CCDC191: variants seen among roughly 807,000 people sequenced by gnomAD.
CCDC191 encodes coiled-coil domain-containing protein 191.
Under a neutral mutation model 114.0 loss-of-function variants are expected in CCDC191, and 99 were observed. That is an observed-to-expected ratio of 0.87 (90% CI 0.74 to 1.03). The LOEUF is 1.03. CCDC191 is among the 50% of genes least tolerant of loss of function. CCDC191 has a pLI of 0.00. For missense variants in CCDC191, 973 were observed against 1,087.0 expected (o/e 0.90, Z 1.47); for synonymous variants, 351 against 376.0 (o/e 0.93, Z 0.77).
At chr3:114,017,102 CTT>C (rs374809107) in intron 8 of CCDC191, among the ~76,000 whole-genome samples, 142 of 136,396 alleles carry the variant, frequency 1.0e-3, no homozygotes, top group Middle Eastern at 3.9e-3. Context: ...CAAGGATTCA[CTT>C]TTTTTTTTTT....
chr3:114,046,881 A>G lies in CCDC191; in HGVS notation c.130-149T>C. 6 of 1,365,462 alleles carry G rather than the reference A, an allele frequency of 4.4e-6. No homozygotes were observed. In the Admixed American group the frequency reaches 1.6e-4, roughly 37 times the overall value. 84.6% of individuals were successfully genotyped at this position (1,365,462 alleles called of 1,614,324 possible). On this transcript the variant is annotated intron_variant, in intron 2 of 16. Transcript: ENST00000295878. ...TTGGAGAAACTCTTGAGGTTTAAAC[A>G]TCTACCCCCAAATATTCTGGGAGGT...
Position 114,031,651 on chromosome 3 carries a change from A to T in CCDC191, c.947T>A (p.Ile316Asn), listed in dbSNP as rs1184202307. The T allele has an allele frequency of 6.2e-7, 1 of 1,610,394 alleles. No homozygotes were observed. Residue 316 changes from isoleucine (I) to asparagine (N), a missense_variant, in exon 7 of 17, where the codon ATC becomes AAC. Physicochemically the swap from Ile to Asn is moderately radical, Grantham distance 149. Coordinates refer to ENST00000295878, the MANE Select transcript of CCDC191 (RefSeq NM_020817.2). ...ERKRKLKEVL[I>N]QTFKENQQCQ... ...CTGTTGATTTTCTTTGAAAGTTTGG[A>T]TTAATACTTCTTTCAATTTCCTTTT...
intron 2 of CCDC191, among the ~76,000 whole-genome samples, chr3:114,050,518 G>A (rs142445324): frequency 6.6e-6 from 1 of 152,186 alleles, no homozygotes; most frequent in African/African-American, 2.4e-5. Context: ...AGGTAAGGGG[G>A]ATTTGTCCAC....
Position 114,046,688 on chromosome 3 carries a change from A to T in CCDC191, c.174T>A (p.Phe58Leu). ...ASEFAVSNAF[F>L]TRNSDLPRSP... ...TTCTAGGTAAATCTGAATTTCTAGT[A>T]AAAAATGCATTTGACACTGCAAACT... Residue 58 changes from phenylalanine (F) to leucine (L), a missense_variant, in exon 3 of 17, where the codon TTT (phenylalanine) becomes TTA (leucine). Coordinates refer to ENST00000295878, the MANE Select transcript of CCDC191 (RefSeq NM_020817.2). 6.2e-7 allele frequency: 1 copy of T among 1,611,816 alleles called. No individual in the cohort carries two copies. The highest frequency in any genetic ancestry group is 1.1e-5 in the South Asian group (1 of 91,016).
At chr3:113,996,604 A>G (rs532688411) in intron 13 of CCDC191, among the ~76,000 whole-genome samples, 180 of 152,300 alleles carry the variant, frequency 1.2e-3, no homozygotes, top group African/African-American at 4.0e-3. Flanking sequence ...TACAATAGCA[A>G]AGACTTGGAA....
chr3:113,986,106 A>G (rs966102299), intron 13 of CCDC191, among the ~76,000 whole-genome samples: 3 of 152,248 alleles, frequency 2.0e-5, no homozygotes, highest in Non-Finnish European at 4.4e-5. Flanking sequence ...TCAGATAGGT[A>G]ATTTTAGCAG....
intron 6 of CCDC191, 90 bp from the exon 7 acceptor site, chr3:114,031,869 T>C: frequency 1.6e-6 from 1 of 643,772 alleles, no homozygotes; most frequent in East Asian, 2.9e-5. Flanking sequence ...AATCACTGAA[T>C]TCTCCTTCGG....
chr3:114,024,431 CAA>C (rs1218265329), intron 7 of CCDC191, among the ~76,000 whole-genome samples: 9 of 152,158 alleles, frequency 5.9e-5, no homozygotes, highest in South Asian at 4.1e-4. Context: ...TTCACAATAG[CAA>C]AGACTTGGAA....
At chr3:113,992,861 A>T (rs752228548) in intron 13 of CCDC191, among the ~76,000 whole-genome samples, 2 of 152,226 alleles carry the variant, frequency 1.3e-5, no homozygotes, top group African/African-American at 4.8e-5. Flanking sequence ...TACAAAAAAA[A>T]TTATAGGCCA....
intron 1 of CCDC191, 82 bp from the exon 2 acceptor site, chr3:114,053,717 G>C (rs2076728207): frequency 1.1e-6 from 1 of 879,134 alleles, no homozygotes; most frequent in Non-Finnish European, 1.8e-6. Flanking sequence ...TCTGACTAAA[G>C]CATATGGAAC....
intron 11 of CCDC191, chr3:114,002,852 G>A: frequency 8.2e-6 from 8 of 974,696 alleles, no homozygotes; most frequent in Non-Finnish European, 9.8e-6. Context: ...ATGAAACCCA[G>A]AAACCAGAAT....
At chr3:114,052,473 G>A (rs2076710109) in intron 2 of CCDC191, among the ~76,000 whole-genome samples, 1 of 152,042 alleles carries the variant, frequency 6.6e-6, no homozygotes, top group African/African-American at 2.4e-5. Context: ...CCTTCCTAGA[G>A]ACTAGCATTC....
Position 114,018,865 on chromosome 3 carries a change from G to A in CCDC191, c.976C>T (p.Gln326Ter), listed in dbSNP as rs143973768. 3 of 1,613,168 alleles carry A rather than the reference G, an allele frequency of 1.9e-6. No individual in the cohort carries two copies. Residue 326 changes from glutamine to a stop codon, truncating the protein, a stop_gained, in exon 8 of 17, where the codon CAA (glutamine) becomes TAA (stop). Transcript: ENST00000295878. LOFTEE classifies it high-confidence loss of function. ...TGCCAGGCAGCGAAATACCGTTTTTGACACTGCAGCGGAAATATTAGGAAA... is the reference window on the plus strand; with the variant it reads ...TGCCAGGCAGCGAAATACCGTTTTTAACACTGCAGCGGAAATATTAGGAAA... Reference protein sequence around the residue: ...IQTFKENQQCQKRYFAAWHKL... With the variant: ...IQTFKENQQC
intron 7 of CCDC191, among the ~76,000 whole-genome samples, chr3:114,027,623 G>GA (rs34248411): frequency 1.6e-5 from 2 of 123,788 alleles, no homozygotes; most frequent in South Asian, 2.6e-4. Flanking sequence ...AAAAAAAAAA[G>GA]AAAAAAAAAT....
intron 2 of CCDC191, among the ~76,000 whole-genome samples, chr3:114,050,122 T>C (rs1278989103): frequency 6.6e-6 from 1 of 152,276 alleles, no homozygotes; most frequent in East Asian, 1.9e-4. Context: ...CTATGTTATA[T>C]ATAAACATAT....
At chr3:114,047,332 T>C (rs1254993907) in intron 2 of CCDC191, among the ~76,000 whole-genome samples, 1 of 152,148 alleles carries the variant, frequency 6.6e-6, no homozygotes, top group Non-Finnish European at 1.5e-5. Flanking sequence ...GTGGACAAAC[T>C]GCCTTAGTGT....
intron 13 of CCDC191, 47 bp from the exon 14 acceptor site, chr3:113,980,840 G>A (rs748057094): frequency 3.3e-6 from 5 of 1,525,012 alleles, no homozygotes; most frequent in Non-Finnish European, 4.4e-6. Context: ...AAACGAATGA[G>A]TTTCATTTCA....
chr3:114,052,617 T>C (rs2076711441), intron 2 of CCDC191, among the ~76,000 whole-genome samples: 1 of 152,202 alleles, frequency 6.6e-6, no homozygotes, highest in Admixed American at 6.5e-5. Flanking sequence ...TCATGAGCTT[T>C]AGTAAGTTGT....
At chr3:114,047,841 G>C (rs1002678618) in intron 2 of CCDC191, among the ~76,000 whole-genome samples, 9 of 151,994 alleles carry the variant, frequency 5.9e-5, no homozygotes, top group Admixed American at 5.9e-4. Context: ...CGGGTGTGGT[G>C]GCATGAGCCT....
Sources: allele counts gnomAD v4.1 joint callset (sites outside exome capture counted in the v4.1 genomes callset), GRCh38; gene constraint gnomAD v4.1.1; transcripts MANE v1.5; gene names NCBI Gene and HGNC (gene_info 2026-07-23, HGNC 2026-07-21).